DLG2: variants seen among roughly 807,000 people sequenced by gnomAD.
The protein encoded by DLG2 is disks large homolog 2.
Under a neutral mutation model 132.5 loss-of-function variants are expected in DLG2, and 45 were observed. The observed-to-expected ratio is 0.34, with a 90% CI of 0.27 to 0.44. The LOEUF is 0.44. Ranked by LOEUF, DLG2 falls within the 20% of genes least tolerant of loss-of-function variation. DLG2 has a pLI of 1.00. For synonymous variants in DLG2, 424 were observed against 419.6 expected (o/e 1.01, Z -0.13); for missense variants, 1,045 against 1,196.9 (o/e 0.87, Z 1.87).
chr11:84,682,364 A>C (rs982224722), intron 6 of DLG2, among the ~76,000 whole-genome samples: 3 of 152,178 alleles, frequency 2.0e-5, no homozygotes, highest in African/African-American at 7.2e-5. Context: ...GTGAGGGTTA[A>C]ATGAAATTAT....
chr11:83,885,549 C>T (rs1487039672), intron 15 of DLG2, among the ~76,000 whole-genome samples: 2 of 152,270 alleles, frequency 1.3e-5, no homozygotes, highest in East Asian at 3.9e-4. Flanking sequence ...GGAGAACTTC[C>T]CCAATCTAGC....
At chr11:85,332,345 T>C (rs1207062872) in intron 3 of DLG2, among the ~76,000 whole-genome samples, 1 of 152,176 alleles carries the variant, frequency 6.6e-6, no homozygotes, top group Non-Finnish European at 1.5e-5. Flanking sequence ...GTTCAAGTTG[T>C]TTATAGATCC....
chr11:84,491,931 T>A (rs1459757992), intron 7 of DLG2, among the ~76,000 whole-genome samples: 1 of 152,162 alleles, frequency 6.6e-6, no homozygotes, highest in Non-Finnish European at 1.5e-5. Flanking sequence ...TGACTTTATC[T>A]CCTATAAAAG....
chr11:84,353,275 A>G (rs2098591894), intron 7 of DLG2, among the ~76,000 whole-genome samples: 1 of 152,182 alleles, frequency 6.6e-6, no homozygotes, highest in Non-Finnish European at 1.5e-5. Context: ...GACAATTTGA[A>G]AGACTTAGAG....
intron 6 of DLG2, among the ~76,000 whole-genome samples, chr11:84,759,787 C>CT (rs571621649): frequency 5.9e-4 from 88 of 149,544 alleles, no homozygotes; most frequent in African/African-American, 1.7e-3. Flanking sequence ...AAGAAGTGAT[C>CT]TTTTTTTTTT....
chr11:85,127,899 T>G (rs1357694307), intron 5 of DLG2, among the ~76,000 whole-genome samples: 1 of 152,198 alleles, frequency 6.6e-6, no homozygotes, highest in African/African-American at 2.4e-5. Context: ...AAATATTATA[T>G]TCACCAGCTG....
chr11:85,147,976 T>A (rs577061482), intron 5 of DLG2, among the ~76,000 whole-genome samples: 2 of 151,476 alleles, frequency 1.3e-5, no homozygotes, highest in South Asian at 4.2e-4. Flanking sequence ...ATTGTACAAC[T>A]CCAGCTGATG....
At chr11:85,092,643 CT>C (rs551838341) in intron 6 of DLG2, among the ~76,000 whole-genome samples, 1,506 of 132,156 alleles carry the variant, frequency 0.011, 17 homozygotes, top group East Asian at 0.043. Flanking sequence ...GTACACGTGA[CT>C]TTTTTTTTTT....
intron 18 of DLG2, among the ~76,000 whole-genome samples, chr11:83,638,870 A>G (rs1477206085): frequency 6.6e-6 from 1 of 152,224 alleles, no homozygotes; most frequent in Non-Finnish European, 1.5e-5. Context: ...GCCTTGAGCT[A>G]CTGATGGACA....
chr11:85,251,772 T>C (rs2076407389), intron 4 of DLG2, among the ~76,000 whole-genome samples: 1 of 152,156 alleles, frequency 6.6e-6, no homozygotes, highest in African/African-American at 2.4e-5. Context: ...TATTAGGCCA[T>C]AATTAGTTAC....
chr11:85,209,445 CTTTTTTTTT>C lies in DLG2; in HGVS notation c.187-54803_187-54795del, dbSNP rs1164394816. On this transcript the variant is annotated intron_variant, in intron 4 of 27. Coordinates refer to ENST00000376104, the MANE Select transcript of DLG2 (RefSeq NM_001142699.3). ...AACTTATGGGCACAAAGAAATCAGT[CTTTTTTTTT>C]TTTTTTTTTTTTTGAGACAGAGACT... Among the ~76,000 whole-genome samples the C allele has an allele frequency of 4.3e-3, 321 of 74,454 alleles. 7 individuals are homozygous for C. The highest frequency in any genetic ancestry group is 0.025 in the Admixed American group (129 of 5,094). 48.8% of individuals were successfully genotyped at this position (74,454 alleles called of 152,430 possible). A position where few individuals can be genotyped will look rare whatever the true frequency, so the allele number is the denominator to read the frequency against.
chr11:84,491,788 G>T (rs1165154307), intron 7 of DLG2, among the ~76,000 whole-genome samples: 4 of 151,996 alleles, frequency 2.6e-5, no homozygotes, highest in African/African-American at 9.7e-5. Flanking sequence ...CTTTTTTCTT[G>T]CTACATTCCT....
chr11:83,465,861 C>A (rs1248256876), intron 26 of DLG2, among the ~76,000 whole-genome samples: 1 of 152,182 alleles, frequency 6.6e-6, no homozygotes, highest in Non-Finnish European at 1.5e-5. Context: ...AAGTAAAGAA[C>A]CAAATCTTGC....
At chr11:85,002,609 G>C (rs980046496) in intron 6 of DLG2, among the ~76,000 whole-genome samples, 8 of 152,258 alleles carry the variant, frequency 5.3e-5, no homozygotes, top group African/African-American at 1.7e-4. Context: ...ATGTGGCCTT[G>C]AGATTTTAGT....
chr11:83,700,280 C>T (rs569228141), intron 18 of DLG2, among the ~76,000 whole-genome samples: 1 of 152,002 alleles, frequency 6.6e-6, no homozygotes, highest in African/African-American at 2.4e-5. Context: ...TGGGAAGGAG[C>T]CCTTCCTTGG....
chr11:84,570,735 T>C (rs1284955511), intron 6 of DLG2, among the ~76,000 whole-genome samples: 3 of 152,220 alleles, frequency 2.0e-5, no homozygotes, highest in Non-Finnish European at 4.4e-5. Context: ...TCTAAGGACA[T>C]CTTCCTTTCT....
intron 19 of DLG2, among the ~76,000 whole-genome samples, chr11:83,598,180 G>C (rs141520061): frequency 6.6e-6 from 1 of 152,090 alleles, no homozygotes; most frequent in Non-Finnish European, 1.5e-5. Flanking sequence ...CTGCATTTCC[G>C]AGAAGGGAAA....
chr11:84,294,495 G>A (rs1237286700), intron 7 of DLG2, among the ~76,000 whole-genome samples: 2 of 152,158 alleles, frequency 1.3e-5, no homozygotes, highest in African/African-American at 4.8e-5. Flanking sequence ...CTATCCCAGA[G>A]GCTGAGGCAG....
intron 4 of DLG2, among the ~76,000 whole-genome samples, chr11:85,235,038 G>A (rs1458154341): frequency 2.0e-5 from 3 of 151,840 alleles, no homozygotes; most frequent in Admixed American, 2.0e-4. Context: ...AGTAATTTAA[G>A]GAAGACAATA....
Sources: gnomAD v4.1 joint callset for allele counts (sites outside exome capture counted in the v4.1 genomes callset) on GRCh38, gnomAD v4.1.1 for gene constraint, MANE v1.5 for transcripts, NCBI Gene and HGNC (gene_info 2026-07-23, HGNC 2026-07-21) for gene names.